SPSB1: variants seen among roughly 807,000 people sequenced by gnomAD.
SPSB1 encodes SPRY domain-containing SOCS box protein 1.
SPSB1 carries 8 observed loss-of-function variants against 21.2 expected under a neutral mutation model. That is an observed-to-expected ratio of 0.38 (90% confidence interval 0.22 to 0.68). SPSB1 has a LOEUF of 0.68. Among genes scored for constraint, SPSB1 ranks in the 30% least tolerant of loss-of-function variants. The pLI, the probability that SPSB1 is intolerant of heterozygous loss-of-function variation, is 0.53. For missense variants in SPSB1, 242 were observed against 377.8 expected (o/e 0.64, Z 2.98); for synonymous variants, 169 against 161.7 (o/e 1.05, Z -0.34).
rs191848028 is a variant in SPSB1, at chr1:9,301,537, A to G, written c.-150+8466A>G. On this transcript the variant is annotated intron_variant, in intron 1 of 2. Transcript: ENST00000328089. Reference sequence around the variant, plus strand: ...AGCAATTGGGGGAAGATGTATGTGGATAGACCTGAGTGCGCACAGGACACG... The same window carrying G: ...AGCAATTGGGGGAAGATGTATGTGGGTAGACCTGAGTGCGCACAGGACACG... 4.8e-3 allele frequency among the ~76,000 whole-genome samples: 709 copies of G among 147,474 alleles called. 5 individuals carry two copies. Among genetic ancestry groups the G allele is most frequent in the African/African-American group, 0.018 (669 of 37,870 alleles).
rs1017572963 is a variant in SPSB1 at position 9,293,494 on chromosome 1, C to A, written c.-150+423C>A. Among the ~76,000 whole-genome samples the A allele has an allele frequency of 3.3e-5, 5 of 151,510 alleles. No homozygotes were observed. The highest frequency in any genetic ancestry group is 5.9e-5 in the Non-Finnish European group (4 of 67,816). On this transcript the variant is annotated intron_variant, in intron 1 of 2. Coordinates refer to ENST00000328089, the MANE Select transcript of SPSB1 (RefSeq NM_025106.4). The surrounding 1 kb of genome is among the most constrained non-coding windows in gnomAD (Gnocchi z 5.1). Reference sequence around the variant, plus strand: ...GGACCCCGCTCGGCTGAGTTAGTTTCGCTTTTCCCGCCAGTCCGAGTCGGG... The same window carrying A: ...GGACCCCGCTCGGCTGAGTTAGTTTAGCTTTTCCCGCCAGTCCGAGTCGGG...
chr1:9,368,551 A>C lies in SPSB1; in HGVS notation c.*976A>C, dbSNP rs893247649. The C allele has an allele frequency of 6.6e-6, 1 of 152,142 alleles. No homozygotes were observed. Among genetic ancestry groups the C allele is most frequent in the African/African-American group, 2.4e-5 (1 of 41,430 alleles). The allele number at this position is 152,142 out of a possible 1,614,324, so 9.4% of individuals were successfully genotyped here. The stretch of plus-strand genomic sequence containing the variant: ...CTCAGGCACCCTTGCACAGGGTTGC[A>C]TTTCTTTAGTCTTCTGTGGGTCTTT... On this transcript the variant is annotated 3_prime_UTR_variant, in exon 3 of 3. Coordinates refer to ENST00000328089, the MANE Select transcript of SPSB1 (RefSeq NM_025106.4).
chr1:9,336,556 A>T (rs1479184758), intron 1 of SPSB1, among the ~76,000 whole-genome samples: 3 of 152,178 alleles, frequency 2.0e-5, no homozygotes, highest in African/African-American at 7.2e-5. Context: ...GCTTCCCCCA[A>T]AGCAAAAGGA....
At chr1:9,296,468 AAC>A (rs1471734737) in intron 1 of SPSB1, among the ~76,000 whole-genome samples, 7 of 152,236 alleles carry the variant, frequency 4.6e-5, no homozygotes, top group African/African-American at 1.7e-4. Context: ...GAAAATGTCA[AAC>A]ACACCAAAGT....
At chr1:9,358,195 C>T (rs754864174) in intron 2 of SPSB1, among the ~76,000 whole-genome samples, 1 of 152,174 alleles carries the variant, frequency 6.6e-6, no homozygotes, top group South Asian at 2.1e-4. Flanking sequence ...CATGCGCAAA[C>T]GCTTACACAT....
Position 9,368,222 on chromosome 1 carries a change from T to C in SPSB1, c.*647T>C, listed in dbSNP as rs1173610537. 6.5e-6 allele frequency: 1 copy of C among 152,860 alleles called. No individual in the cohort carries two copies. The highest frequency in any genetic ancestry group is 2.4e-5 in the African/African-American group (1 of 41,456). 9.5% of individuals were successfully genotyped at this position (152,860 alleles called of 1,614,324 possible). On this transcript the variant is annotated 3_prime_UTR_variant, in exon 3 of 3. Transcript: ENST00000328089. ...TAACAAAAGCCATTTATTTATTCCA[T>C]CTAGAAAGGAAACCCTGTTTCAGTC...
intron 1 of SPSB1, among the ~76,000 whole-genome samples, chr1:9,312,169 A>G (rs758847220): frequency 5.9e-5 from 9 of 151,340 alleles, no homozygotes; most frequent in Non-Finnish European, 1.0e-4. Context: ...TAATTTTTTA[A>G]TTTTTTAATT....
At chr1:9,359,423 G>A (rs1052463018) in intron 2 of SPSB1, among the ~76,000 whole-genome samples, 27 of 152,188 alleles carry the variant, frequency 1.8e-4, no homozygotes, top group Non-Finnish European at 3.4e-4. Context: ...TCGTTCTGCG[G>A]CTGGGCGCGG....
chr1:9,297,508 T>C (rs1639245036), intron 1 of SPSB1, among the ~76,000 whole-genome samples: 1 of 152,068 alleles, frequency 6.6e-6, no homozygotes, highest in Admixed American at 6.6e-5. Flanking sequence ...ACTTGAGTTT[T>C]CTAATTTATA....
intron 1 of SPSB1, among the ~76,000 whole-genome samples, chr1:9,310,354 G>A (rs546791808): frequency 6.6e-6 from 1 of 152,314 alleles, no homozygotes; most frequent in South Asian, 2.1e-4. Flanking sequence ...AGGTTCTTGG[G>A]GCGCCTTCCT....
chr1:9,342,054 G>A (rs756153934), intron 1 of SPSB1, among the ~76,000 whole-genome samples: 4 of 152,242 alleles, frequency 2.6e-5, no homozygotes, highest in African/African-American at 4.8e-5. Flanking sequence ...CAGGGACTGA[G>A]AAACAAAGCA....
intron 1 of SPSB1, among the ~76,000 whole-genome samples, chr1:9,299,213 C>A (rs1639274953): frequency 6.6e-6 from 1 of 152,230 alleles, no homozygotes; most frequent in Non-Finnish European, 1.5e-5. Flanking sequence ...TAAGGCCCAG[C>A]AGAAGCAGTT....
chr1:9,339,806 A>G (rs903245681), intron 1 of SPSB1, among the ~76,000 whole-genome samples: 1 of 152,022 alleles, frequency 6.6e-6, no homozygotes, highest in African/African-American at 2.4e-5. Context: ...CCTGCCCCCC[A>G]TTCTTGTGGA....
chr1:9,347,525 A>G (rs751811045), intron 1 of SPSB1, among the ~76,000 whole-genome samples: 187 of 152,240 alleles, frequency 1.2e-3, no homozygotes, highest in Non-Finnish European at 2.3e-3. Flanking sequence ...TGTACCTACA[A>G]ACATAAATAG....
chr1:9,340,066 C>T (rs1481330576), intron 1 of SPSB1, among the ~76,000 whole-genome samples: 2 of 152,192 alleles, frequency 1.3e-5, no homozygotes, highest in East Asian at 1.9e-4. Context: ...GGCAGTAGCC[C>T]GAGACTCTGC....
At chr1:9,340,718 T>C (rs1342857575) in intron 1 of SPSB1, among the ~76,000 whole-genome samples, 2 of 152,230 alleles carry the variant, frequency 1.3e-5, no homozygotes, top group African/African-American at 4.8e-5. Context: ...GATGCACCCG[T>C]CCCCTGCTCG....
rs1366839733 is a variant in SPSB1, at chr1:9,363,532, C to T, written c.695-3916C>T. ...GCTCTCAGACCTTGGACCTGTAACT[C>T]TCACCTCCCCAAGCCCATTTCCCTA... On this transcript the variant is annotated intron_variant, in intron 2 of 2. Coordinates refer to ENST00000328089, the MANE Select transcript of SPSB1 (RefSeq NM_025106.4). This position sits in a 1 kb window ranked among gnomAD's most constrained non-coding sequence, Gnocchi z 4.5. Among the ~76,000 whole-genome samples the T allele has an allele frequency of 1.3e-5, 2 of 152,042 alleles. No individual in the cohort carries two copies. Among genetic ancestry groups the T allele is most frequent in the African/African-American group, 4.8e-5 (2 of 41,382 alleles).
Position 9,321,448 on chromosome 1 carries a change from C to G in SPSB1, c.-150+28377C>G, listed in dbSNP as rs1639721244. Among the ~76,000 whole-genome samples, 1 of 152,186 alleles carries G rather than the reference C, an allele frequency of 6.6e-6. No homozygotes were observed. Among genetic ancestry groups the G allele is most frequent in the Non-Finnish European group, 1.5e-5 (1 of 68,042 alleles). On this transcript the variant is annotated intron_variant, in intron 1 of 2. Transcript: ENST00000328089. This position sits in a 1 kb window ranked among gnomAD's most constrained non-coding sequence, Gnocchi z 4.8. ...GAACTTGTCCTGACCCGTTATTCGT[C>G]ACCTTGGTGCCCGATAGAGAAGTGT...
At chr1:9,343,666 G>A (rs1334554573) in intron 1 of SPSB1, among the ~76,000 whole-genome samples, 4 of 152,148 alleles carry the variant, frequency 2.6e-5, no homozygotes, top group African/African-American at 7.2e-5. Flanking sequence ...TGAGTATGCC[G>A]ATACAGTTTT....
Sources: gnomAD v4.1 joint callset for allele counts (sites outside exome capture counted in the v4.1 genomes callset) on GRCh38, gnomAD v4.1.1 for gene constraint, Gnocchi (gnomAD v3.1) non-coding constraint, MANE v1.5 for transcripts, NCBI Gene and HGNC (gene_info 2026-07-23, HGNC 2026-07-21) for gene names.